Variants in ALLC observed in about 807,000 individuals in gnomAD.
ALLC encodes allantoicase.
In ALLC, 40 loss-of-function variants were observed where a neutral mutation model predicts 45.0. The ratio of observed to expected loss-of-function variants is 0.89; its 90% CI spans 0.69 to 1.16. The LOEUF (loss-of-function observed/expected upper bound fraction) is 1.16, where lower values mean the gene tolerates loss of function less well. Among genes scored for constraint, ALLC ranks in the 50% most tolerant of loss-of-function variants. The pLI is 0.00. For missense variants in ALLC, 488 were observed against 493.1 expected (o/e 0.99, Z 0.10); for synonymous variants, 176 against 178.1 (o/e 0.99, Z 0.09).
At chr2:3,692,555 A>G (rs1391095231) in intron 7 of ALLC, among the ~76,000 whole-genome samples, 2 of 152,234 alleles carry the variant, frequency 1.3e-5, no homozygotes, top group African/African-American at 2.4e-5. Context: ...ACTTTTCAGC[A>G]CTAGATGGCA....
intron 3 of ALLC, 48 bp from the exon 4 acceptor site, chr2:3,678,420 G>A (rs778223636): frequency 2.7e-6 from 4 of 1,499,090 alleles, no homozygotes; most frequent in South Asian, 2.3e-5. Flanking sequence ...TGGAAGCCAG[G>A]AGATCACATG....
At chr2:3,682,417 G>C (rs7562641) in intron 6 of ALLC, among the ~76,000 whole-genome samples, 2,588 of 152,266 alleles carry the variant, frequency 0.017, 82 homozygotes, top group African/African-American at 0.059. Flanking sequence ...TGGCTGTTTT[G>C]ATCAGTGAAA....
At chr2:3,672,120 G>T (rs1471073959) in intron 2 of ALLC, among the ~76,000 whole-genome samples, 1 of 116,762 alleles carries the variant, frequency 8.6e-6, no homozygotes, top group Non-Finnish European at 1.8e-5. Context: ...GCTCTAGTTA[G>T]ATTGGAGGTC....
chr2:3,669,321 A>G (rs1305998012), intron 1 of ALLC, among the ~76,000 whole-genome samples: 2 of 152,190 alleles, frequency 1.3e-5, no homozygotes, highest in Non-Finnish European at 2.9e-5. Context: ...AAAATACAAA[A>G]AAATTAGCCA....
At position 3,700,960 on chromosome 2, in the gene ALLC, C is replaced by T. The variant is rs568086971; in HGVS notation, c.851-552C>T. 3.9e-5 allele frequency among the ~76,000 whole-genome samples: 6 copies of T among 152,256 alleles called. No individual in the cohort carries two copies. In the South Asian group the frequency reaches 8.3e-4, roughly 21 times the overall value. On this transcript the variant is annotated intron_variant, in intron 10 of 11. Transcript: ENST00000252505. ...AGGTCCTCTAACCCCACTGAGCCCACGATTCCTATGATATTCCAAAGAGAG... is the reference window on the plus strand; with the variant it reads ...AGGTCCTCTAACCCCACTGAGCCCATGATTCCTATGATATTCCAAAGAGAG...
At chr2:3,701,758 T>C in intron 11 of ALLC, 122 bp downstream of exon 11, 1 of 1,203,834 alleles carries the variant, frequency 8.3e-7, no homozygotes, top group Admixed American at 3.2e-5. Context: ...ACGAATGAGG[T>C]TTAAAACCCC....
At chr2:3,688,085 A>G in intron 7 of ALLC, 1 of 154,276 alleles carries the variant, frequency 6.5e-6, no homozygotes, top group South Asian at 1.8e-4. Context: ...GTAGTCATTG[A>G]GGGAAATGCC....
At chr2:3,677,680 G>A (rs565195413) in intron 3 of ALLC, among the ~76,000 whole-genome samples, 24 of 152,308 alleles carry the variant, frequency 1.6e-4, no homozygotes, top group Admixed American at 2.6e-4. Context: ...CCTGGTTGGC[G>A]TCTCATGCAT....
intron 3 of ALLC, among the ~76,000 whole-genome samples, chr2:3,678,089 T>G (rs550569714): frequency 4.6e-5 from 7 of 152,304 alleles, no homozygotes; most frequent in African/African-American, 1.7e-4. Context: ...TTTGGATGAA[T>G]TCCTGATTGA....
At chr2:3,678,680 TTGGA>T in intron 4 of ALLC, 125 bp downstream of exon 4, 1 of 726,290 alleles carries the variant, frequency 1.4e-6, no homozygotes, top group South Asian at 1.7e-5. Context: ...CTCTGTAATC[TTGGA>T]TGTCCTTATC....
intron 1 of ALLC, among the ~76,000 whole-genome samples, chr2:3,667,525 C>T (rs1666758666): frequency 2.0e-5 from 3 of 152,220 alleles, no homozygotes; most frequent in South Asian, 2.1e-4. Flanking sequence ...TTTGCAGCTG[C>T]GGGCTGTGAC....
At chr2:3,677,778 G>GT (rs1667063480) in intron 3 of ALLC, among the ~76,000 whole-genome samples, 1 of 152,236 alleles carries the variant, frequency 6.6e-6, no homozygotes, top group East Asian at 1.9e-4. Flanking sequence ...TCCCTAAGCA[G>GT]TAACGTAAGA....
chr2:3,648,367 C>T, the ALLC span, among the ~76,000 whole-genome samples: 1 of 152,044 alleles, frequency 6.6e-6, no homozygotes, highest in African/African-American at 2.4e-5. Context: ...CTGGGGGAGC[C>T]AAGACGCTCC....
chr2:3,679,373 T>C (rs1013818789), intron 4 of ALLC, among the ~76,000 whole-genome samples: 5 of 151,980 alleles, frequency 3.3e-5, no homozygotes, highest in African/African-American at 9.7e-5. Context: ...GGCTGGAGGG[T>C]GCTGTGTCAG....
intron 6 of ALLC, 121 bp from the exon 7 acceptor site, chr2:3,682,821 G>A (rs933006397): frequency 2.2e-5 from 24 of 1,073,400 alleles, no homozygotes; most frequent in East Asian, 7.5e-5. Flanking sequence ...CACCGTGCCC[G>A]GCATCCATCA....
At chr2:3,688,080 C>G (rs1426277007) in intron 7 of ALLC, 1 of 154,326 alleles carries the variant, frequency 6.5e-6, no homozygotes, top group African/African-American at 2.4e-5. Context: ...ACAAAGTAGT[C>G]ATTGAGGGAA....
intron 7 of ALLC, among the ~76,000 whole-genome samples, chr2:3,683,304 T>G (rs946511339): frequency 2.6e-5 from 4 of 152,246 alleles, no homozygotes; most frequent in Non-Finnish European, 5.9e-5. Flanking sequence ...GGAACTAAGT[T>G]GTATTAGGTT....
At chr2:3,679,507 C>T (rs1229589678) in intron 4 of ALLC, among the ~76,000 whole-genome samples, 6 of 152,188 alleles carry the variant, frequency 3.9e-5, no homozygotes, top group Non-Finnish European at 5.9e-5. Context: ...TGGAAGCTAA[C>T]GGCATCCCTA....
chr2:3,663,505 C>T (rs534151935), intron 1 of ALLC, among the ~76,000 whole-genome samples: 1 of 152,082 alleles, frequency 6.6e-6, no homozygotes, highest in East Asian at 1.9e-4. Context: ...TTGATCTGTG[C>T]AGCAAACCAC....
Sources: allele counts gnomAD v4.1 joint callset (sites outside exome capture counted in the v4.1 genomes callset), GRCh38; gene constraint gnomAD v4.1.1; transcripts MANE v1.5; gene names NCBI Gene and HGNC (gene_info 2026-07-23, HGNC 2026-07-21).